DLEU7: variants seen among roughly 807,000 people sequenced by gnomAD.
The protein encoded by DLEU7 is deleted in lymphocytic leukemia 7.
A neutral mutation model predicts 16.0 loss-of-function variants in DLEU7; 17 were observed. The observed-to-expected ratio is 1.06, with a 90% confidence interval of 0.73 to 1.59. The LOEUF (loss-of-function observed/expected upper bound fraction) is 1.59. DLEU7 is among the 40% of genes most tolerant of loss of function. DLEU7 has a pLI of 0.00. For synonymous variants in DLEU7, 113 were observed against 139.8 expected, an observed-to-expected ratio of 0.81 and a Z score of 1.35; for missense variants, 308 against 314.9, an observed-to-expected ratio of 0.98 and a Z score of 0.17.
intron 1 of DLEU7, among the ~76,000 whole-genome samples, chr13:50,812,753 C>T (rs1841677): frequency 0.5 from 75,407 of 151,576 alleles, 19,209 homozygotes; most frequent in Non-Finnish European, 0.57. Flanking sequence ...TAGCTATATA[C>T]GTATAAATCC....
chr13:50,810,401 C>T (rs1462064862), intron 1 of DLEU7, among the ~76,000 whole-genome samples: 1 of 151,974 alleles, frequency 6.6e-6, no homozygotes. Context: ...GTCATCTAAA[C>T]AAAACAATAT....
At chr13:50,842,706 A>G (rs1877710552) in intron 1 of DLEU7, among the ~76,000 whole-genome samples, 1 of 152,224 alleles carries the variant, frequency 6.6e-6, no homozygotes, top group South Asian at 2.1e-4. Context: ...TATGCAAAAA[A>G]TAATAGTGAT....
At chr13:50,805,529 A>T (rs960059559) in intron 1 of DLEU7, among the ~76,000 whole-genome samples, 4 of 145,970 alleles carry the variant, frequency 2.7e-5, no homozygotes, top group Non-Finnish European at 6.2e-5. Context: ...AAGAACACCA[A>T]TTATGCATAT....
chr13:50,722,008 A>C (rs762464709), intron 1 of DLEU7, among the ~76,000 whole-genome samples: 35 of 152,180 alleles, frequency 2.3e-4, no homozygotes, highest in Non-Finnish European at 4.6e-4. Flanking sequence ...GCAAAGGCCC[A>C]TTTACATTTC....
In DLEU7 at chr13:50,843,375, ACTAC is replaced by A; in HGVS notation, c.268_271del (p.Val90CysfsTer62). ...CTCGGCGCCCCCCTCAGCGCCTCGCACTACCTCCTCCTCTGGGGAGTTCGCCCGC... is the reference window on the plus strand; with the variant it reads ...CTCGGCGCCCCCCTCAGCGCCTCGCACTCCTCCTCTGGGGAGTTCGCCCGC... On this transcript the variant is annotated frameshift_variant, in exon 1 of 2. Coordinates refer to ENST00000504404, the MANE Select transcript of DLEU7 (RefSeq NM_001306135.2). LOFTEE classifies it high-confidence loss of function. The surrounding 1 kb of genome is among the most constrained non-coding windows in gnomAD (Gnocchi z 5.7). The A allele has an allele frequency of 7.1e-7, 1 of 1,410,920 alleles. No individual in the cohort carries two copies. Among genetic ancestry groups the A allele is most frequent in the Non-Finnish European group, 9.2e-7 (1 of 1,084,366 alleles). 87.4% of individuals were successfully genotyped at this position (1,410,920 alleles called of 1,614,324 possible).
downstream of DLEU7, among the ~76,000 whole-genome samples, chr13:50,818,169 A>G (rs1876791397): frequency 6.6e-6 from 1 of 152,146 alleles, no homozygotes. Context: ...TGCACGTGTC[A>G]CACATTACCC....
chr13:50,820,668 A>C (rs1014274458), downstream of DLEU7, among the ~76,000 whole-genome samples: 3 of 152,298 alleles, frequency 2.0e-5, no homozygotes, highest in Non-Finnish European at 4.4e-5. Context: ...AAGGTGTGGA[A>C]GAGCCTTCAG....
Position 50,768,289 on chromosome 13 carries a change from T to C in DLEU7, c.460-55049A>G, listed in dbSNP as rs575520045. On this transcript the variant is annotated intron_variant, in intron 1 of 1. Transcript: ENST00000400393. ...GGTATTTTTTTCATTCATGATTTTA[T>C]TTTTTTTTTATTATACTTTAAGTTC... Among the ~76,000 whole-genome samples the C allele has an allele frequency of 2.8e-5, 4 of 140,594 alleles. No individual in the cohort carries two copies. In the South Asian group the frequency reaches 7.6e-4, roughly 27 times the overall value. 92.2% of individuals were successfully genotyped at this position (140,594 alleles called of 152,430 possible).
At chr13:50,797,848 T>G (rs1383646670) in intron 1 of DLEU7, among the ~76,000 whole-genome samples, 1 of 152,224 alleles carries the variant, frequency 6.6e-6, no homozygotes, top group Admixed American at 6.5e-5. Flanking sequence ...CTGCCAGAAT[T>G]TAATGGGGGC....
chr13:50,729,666 G>C (rs563349094), intron 1 of DLEU7, among the ~76,000 whole-genome samples: 2 of 152,144 alleles, frequency 1.3e-5, no homozygotes, highest in African/African-American at 4.8e-5. Flanking sequence ...GAGTATAAGT[G>C]TTCTCTTTTC....
Position 50,778,362 on chromosome 13 carries a change from C to T in DLEU7, c.459+64826G>A, listed in dbSNP as rs139955660. On this transcript the variant is annotated intron_variant, in intron 1 of 1. Coordinates refer to the DLEU7 transcript ENST00000400393. ...CTGACATGTGGGGATTACGATTTGA[C>T]GTGAGATTTTGGTAGGGACACAGCC... Among the ~76,000 whole-genome samples the T allele has an allele frequency of 1.4e-3, 220 of 152,256 alleles. 1 individual carries two copies. The highest frequency in any genetic ancestry group is 4.0e-3 in the African/African-American group (165 of 41,556).
chr13:50,713,448 C>G (rs1205168610), intron 1 of DLEU7, among the ~76,000 whole-genome samples: 1 of 152,158 alleles, frequency 6.6e-6, no homozygotes, highest in Non-Finnish European at 1.5e-5. Flanking sequence ...AATTTCGAGT[C>G]AAACAACCCA....
At chr13:50,732,923 G>A (rs530165205) in intron 1 of DLEU7, among the ~76,000 whole-genome samples, 365 of 152,250 alleles carry the variant, frequency 2.4e-3, no homozygotes, top group Non-Finnish European at 3.7e-3. Flanking sequence ...TATGGCTGTG[G>A]ACCAGAAAAA....
intron 1 of DLEU7, among the ~76,000 whole-genome samples, chr13:50,786,653 T>C (rs1048272302): frequency 1.3e-5 from 2 of 152,212 alleles, no homozygotes; most frequent in Admixed American, 6.5e-5. Context: ...CTCTCTGTCC[T>C]TGGGCAAACC....
intron 1 of DLEU7, among the ~76,000 whole-genome samples, chr13:50,752,396 A>G (rs34341996): frequency 0.48 from 71,988 of 151,412 alleles, 18,111 homozygotes; most frequent in African/African-American, 0.63. Context: ...TGAACTTTCC[A>G]CTTAGCACCA....
intron 1 of DLEU7, among the ~76,000 whole-genome samples, chr13:50,799,202 A>G (rs980025419): frequency 6.6e-6 from 1 of 152,190 alleles, no homozygotes; most frequent in African/African-American, 2.4e-5. Flanking sequence ...TCCTACACAC[A>G]TGCACACATA....
intron 1 of DLEU7, among the ~76,000 whole-genome samples, chr13:50,714,736 A>G (rs1400539894): frequency 6.6e-6 from 1 of 152,154 alleles, no homozygotes; most frequent in East Asian, 1.9e-4. Context: ...ATCTTACGCA[A>G]ATAAGAGGGG....
intron 1 of DLEU7, among the ~76,000 whole-genome samples, chr13:50,728,259 A>G (rs997905610): frequency 8.5e-5 from 13 of 152,224 alleles, no homozygotes; most frequent in African/African-American, 2.9e-4. Context: ...ATAAGAAACT[A>G]GTTGTTTTAA....
chr13:50,721,933 T>C (rs1873628910), intron 1 of DLEU7, among the ~76,000 whole-genome samples: 2 of 151,444 alleles, frequency 1.3e-5, no homozygotes, highest in South Asian at 4.2e-4. Flanking sequence ...ATATTCAGCA[T>C]TTTTTTTTCA....
Sources: gnomAD v4.1 joint callset for allele counts (sites outside exome capture counted in the v4.1 genomes callset) on GRCh38, gnomAD v4.1.1 for gene constraint, Gnocchi (gnomAD v3.1) non-coding constraint, MANE v1.5 for transcripts, NCBI Gene and HGNC (gene_info 2026-07-23, HGNC 2026-07-21) for gene names.